ANKRD36: variants seen among roughly 807,000 people sequenced by gnomAD.
ANKRD36 encodes ankyrin repeat domain-containing protein 36A.
Under a neutral mutation model 278.1 loss-of-function variants are expected in ANKRD36, and 179 were observed. That is an observed-to-expected ratio of 0.64 (90% CI 0.57 to 0.73). The LOEUF is 0.73. Among genes scored for constraint, ANKRD36 ranks in the 30% least tolerant of loss-of-function variants. The pLI is 0.00. For missense variants in ANKRD36, 1,159 were observed against 1,956.7 expected, an observed-to-expected ratio of 0.59 and a Z score of 7.69; for synonymous variants, 320 against 641.1, an observed-to-expected ratio of 0.50 and a Z score of 7.57.
chr2:97,195,803 G>A (rs558174679), intron 40 of ANKRD36, among the ~76,000 whole-genome samples: 17 of 152,018 alleles, frequency 1.1e-4, no homozygotes, highest in South Asian at 4.2e-4. Flanking sequence ...CATTTTCAAT[G>A]AATATTGGAA....
At chr2:97,177,838 A>T (rs902350332) in intron 22 of ANKRD36, among the ~76,000 whole-genome samples, 4 of 151,984 alleles carry the variant, frequency 2.6e-5, no homozygotes, top group African/African-American at 9.7e-5. Context: ...GGATCTAATT[A>T]AACTAAAGAG....
chr2:97,201,564 T>C (rs568411701), intron 46 of ANKRD36, among the ~76,000 whole-genome samples: 7 of 152,034 alleles, frequency 4.6e-5, no homozygotes, highest in Admixed American at 4.6e-4. Context: ...GAAGAAACTT[T>C]TGGAAGTCTA....
chr2:97,206,420 C>T (rs774953232), intron 52 of ANKRD36, among the ~76,000 whole-genome samples: 12 of 151,402 alleles, frequency 7.9e-5, no homozygotes, highest in Non-Finnish European at 1.3e-4. Context: ...TTGCTTTAAT[C>T]CTCCAGCTTG....
At chr2:97,244,169 T>C in intron 70 of ANKRD36, 140 bp downstream of exon 70, 2 of 1,131,428 alleles carry the variant, frequency 1.8e-6, no homozygotes. Context: ...ATGGCATTTA[T>C]AGCTATAATT....
chr2:97,211,306 T>A (rs1009375014), intron 56 of ANKRD36, among the ~76,000 whole-genome samples: 3 of 151,914 alleles, frequency 2.0e-5, no homozygotes, highest in Admixed American at 2.0e-4. Flanking sequence ...TTTATTTTAG[T>A]TTTCGACATA....
intron 30 of ANKRD36, among the ~76,000 whole-genome samples, 181 bp downstream of exon 30, chr2:97,185,691 C>T (rs1308708876): frequency 4.6e-5 from 7 of 151,624 alleles, no homozygotes; most frequent in African/African-American, 1.5e-4. Flanking sequence ...ACCTGATCTT[C>T]GCAGTAAGAT....
Position 97,142,626 on chromosome 2 carries a change from CT to C in ANKRD36, c.800-10del. 1 of 1,607,792 alleles carries C rather than the reference CT, an allele frequency of 6.2e-7. No individual in the cohort carries two copies. On this transcript the variant is annotated splice_polypyrimidine_tract_variant and intron_variant, in intron 6 of 75. Transcript: ENST00000420699. ...TTTACATATGATTGATTATGTATCC[CT>C]TTTGCTTTTCAGTGTCTTCTCAGAA... is the stretch of plus-strand genomic sequence containing the variant.
intron 22 of ANKRD36, among the ~76,000 whole-genome samples, chr2:97,176,135 T>C (rs1377486287): frequency 1.3e-5 from 2 of 151,900 alleles, no homozygotes; most frequent in African/African-American, 2.4e-5. Flanking sequence ...AGATGTCTAT[T>C]AGGTCCACTT....
chr2:97,161,306 T>C (rs908673900), intron 17 of ANKRD36, among the ~76,000 whole-genome samples: 1 of 152,304 alleles, frequency 6.6e-6, no homozygotes, highest in African/African-American at 2.4e-5. Flanking sequence ...CAATGAAACA[T>C]TGAAGCAGAA....
chr2:97,191,856 A>G (rs998306320), intron 36 of ANKRD36, among the ~76,000 whole-genome samples: 5 of 151,746 alleles, frequency 3.3e-5, no homozygotes, highest in African/African-American at 9.7e-5. Context: ...AGCATTAGGC[A>G]TCAGAGATAC....
intron 22 of ANKRD36, among the ~76,000 whole-genome samples, chr2:97,174,279 A>G (rs955907963): frequency 1.8e-4 from 28 of 151,854 alleles, no homozygotes; most frequent in Middle Eastern, 3.4e-3. Context: ...TTTTAAAATT[A>G]TAACTCTTAG....
intron 3 of ANKRD36, among the ~76,000 whole-genome samples, chr2:97,120,692 AT>A: frequency 6.6e-6 from 1 of 152,062 alleles, no homozygotes; most frequent in Non-Finnish European, 1.5e-5. Flanking sequence ...GGAAAAAAAA[AT>A]CTGAAACTAA....
intron 52 of ANKRD36, among the ~76,000 whole-genome samples, chr2:97,206,564 G>A (rs1456151538): frequency 6.6e-6 from 1 of 151,474 alleles, no homozygotes; most frequent in East Asian, 1.9e-4. Flanking sequence ...GACCCCTGGT[G>A]TAGCAATCAC....
chr2:97,181,424 C>CT (rs987738997), intron 24 of ANKRD36, among the ~76,000 whole-genome samples, 174 bp from the exon 25 acceptor site: 10 of 151,088 alleles, frequency 6.6e-5, no homozygotes, highest in African/African-American at 2.4e-4. Flanking sequence ...GCCTGTATTC[C>CT]TTTTTTTTCA....
At chr2:97,165,672 G>T (rs1279093183) in intron 20 of ANKRD36, among the ~76,000 whole-genome samples, 1 of 152,016 alleles carries the variant, frequency 6.6e-6, no homozygotes, top group Non-Finnish European at 1.5e-5. Context: ...GCCCTATAAA[G>T]GGTTTCCAGG....
At chr2:97,116,422 C>T (rs1404655326) in intron 1 of ANKRD36, among the ~76,000 whole-genome samples, 4 of 151,860 alleles carry the variant, frequency 2.6e-5, no homozygotes, top group Non-Finnish European at 4.4e-5. Flanking sequence ...TACAGGTGTG[C>T]GCCTCCATGC....
intron 10 of ANKRD36, among the ~76,000 whole-genome samples, chr2:97,145,061 T>C (rs59371153): frequency 0.19 from 28,204 of 151,844 alleles, 4,014 homozygotes; most frequent in African/African-American, 0.4. Flanking sequence ...TATAGGCGCC[T>C]GATCACATTG....
chr2:97,229,766 T>A (rs566529621), intron 67 of ANKRD36, among the ~76,000 whole-genome samples: 3 of 152,236 alleles, frequency 2.0e-5, no homozygotes, highest in South Asian at 4.2e-4. Flanking sequence ...GATTTTGCAG[T>A]GGCTGGTACC....
intron 67 of ANKRD36, among the ~76,000 whole-genome samples, chr2:97,232,169 C>A (rs1300327784): frequency 2.0e-5 from 3 of 152,132 alleles, no homozygotes; most frequent in East Asian, 2.0e-4. Flanking sequence ...TAAAATTTTT[C>A]TCTTTTTACA....
Sources: gnomAD v4.1 joint callset for allele counts (sites outside exome capture counted in the v4.1 genomes callset) on GRCh38, gnomAD v4.1.1 for gene constraint, MANE v1.5 for transcripts, NCBI Gene and HGNC (gene_info 2026-07-23, HGNC 2026-07-21) for gene names.